PEAK1: variants seen among roughly 807,000 people sequenced by gnomAD.
PEAK1 encodes pseudopodium enriched atypical kinase 1.
PEAK1 carries 54 observed loss-of-function variants against 124.7 expected under a neutral mutation model. That is an observed-to-expected ratio of 0.43 (90% CI 0.35 to 0.54). The LOEUF is 0.54. Among genes scored for constraint, PEAK1 ranks in the 20% least tolerant of loss-of-function variants. The pLI is 0.01. For missense variants in PEAK1, 2,046 were observed against 2,134.5 expected (o/e 0.96, Z 0.82); for synonymous variants, 719 against 760.0 (o/e 0.95, Z 0.89).
chr15:77,354,423 A>G (rs2067383253), intron 2 of PEAK1, among the ~76,000 whole-genome samples: 1 of 152,132 alleles, frequency 6.6e-6, no homozygotes, highest in South Asian at 2.1e-4. Flanking sequence ...ATAGCCTTCT[A>G]AGTGGTCTCT....
intron 6 of PEAK1, among the ~76,000 whole-genome samples, chr15:77,192,511 C>G (rs1295575077): frequency 6.6e-6 from 1 of 152,198 alleles, no homozygotes; most frequent in African/African-American, 2.4e-5. Flanking sequence ...AAACTATCCC[C>G]CAATAAAAAT....
At chr15:77,343,033 C>T (rs1246727191) in intron 2 of PEAK1, among the ~76,000 whole-genome samples, 1 of 152,112 alleles carries the variant, frequency 6.6e-6, no homozygotes, top group Non-Finnish European at 1.5e-5. Context: ...TGAAAAAATG[C>T]CATACTGTTT....
chr15:77,170,593 AAGCAAG>A (rs1449956121), intron 7 of PEAK1, among the ~76,000 whole-genome samples: 1 of 152,188 alleles, frequency 6.6e-6, no homozygotes, highest in Non-Finnish European at 1.5e-5. Flanking sequence ...GCAAGATATT[AAGCAAG>A]GATGATATTA....
At chr15:77,296,705 T>C (rs974462669) in intron 2 of PEAK1, among the ~76,000 whole-genome samples, 15 of 151,442 alleles carry the variant, frequency 9.9e-5, no homozygotes, top group African/African-American at 3.2e-4. Flanking sequence ...TAAAATAAAA[T>C]AAAATGGTAG....
intron 2 of PEAK1, chr15:77,347,669 CA>C (rs1017489384): frequency 1.0e-6 from 1 of 974,352 alleles, no homozygotes; most frequent in African/African-American, 1.8e-5. Flanking sequence ...CATAAAACAA[CA>C]CCCTCCTAAA....
intron 4 of PEAK1, 87 bp from the exon 5 acceptor site, chr15:77,284,117 T>G: frequency 1.6e-6 from 1 of 629,850 alleles, no homozygotes; most frequent in Non-Finnish European, 2.0e-6. Context: ...AATCTGGTCA[T>G]GTAAACAATG....
chr15:77,304,604 C>T (rs142849660), intron 2 of PEAK1, among the ~76,000 whole-genome samples: 3 of 152,020 alleles, frequency 2.0e-5, no homozygotes, highest in South Asian at 2.1e-4. Context: ...CCCGCCACCA[C>T]GTCCGGCCAA....
chr15:77,191,004 T>C (rs929690845), intron 6 of PEAK1, among the ~76,000 whole-genome samples: 1 of 152,274 alleles, frequency 6.6e-6, no homozygotes, highest in African/African-American at 2.4e-5. Flanking sequence ...AAAGAATTTA[T>C]ACCTAACTTT....
chr15:77,348,843 T>G, intron 2 of PEAK1: 1 of 909,322 alleles, frequency 1.1e-6, no homozygotes, highest in Non-Finnish European at 1.3e-6. Flanking sequence ...GGTCTAACTG[T>G]GTTGCTCAGG....
Position 77,133,205 on chromosome 15 carries a change from G to C in PEAK1, c.3877C>G (p.Leu1293Val). Reference sequence around the variant, plus strand: ...AGTTTCTTCAAGGCATCTGTATGAAGGCTTCGGATTTTACCCACTACTTCC... The same window carrying C: ...AGTTTCTTCAAGGCATCTGTATGAACGCTTCGGATTTTACCCACTACTTCC... ...REEVVGKIRS[L>V]HTDALKKLAV... is the part of the protein sequence containing the mutation. Residue 1293 changes from leucine (L) to valine (V), a missense_variant, in exon 9 of 10, where the codon CTT becomes GTT. By Grantham distance (32) the Leu-to-Val change is conservative. Coordinates refer to ENST00000682557, the MANE Select transcript of PEAK1 (RefSeq NM_001385026.1). The surrounding 1 kb of genome is among the most constrained non-coding windows in gnomAD (Gnocchi z 4.2). The C allele has an allele frequency of 6.2e-7, 1 of 1,614,206 alleles. No individual in the cohort carries two copies. Among genetic ancestry groups the C allele is most frequent in the Non-Finnish European group, 8.5e-7 (1 of 1,180,038 alleles).
At chr15:77,301,127 A>G (rs1288175679) in intron 2 of PEAK1, among the ~76,000 whole-genome samples, 1 of 152,156 alleles carries the variant, frequency 6.6e-6, no homozygotes, top group Non-Finnish European at 1.5e-5. Context: ...GGTTCTAGAG[A>G]CGAGAAATCA....
chr15:77,266,439 T>C (rs989555241), intron 5 of PEAK1, among the ~76,000 whole-genome samples: 1 of 152,118 alleles, frequency 6.6e-6, no homozygotes, highest in Non-Finnish European at 1.5e-5. Flanking sequence ...ATTAGGACCC[T>C]GAACTTACTC....
chr15:77,314,318 C>CGGT (rs2064734894), intron 2 of PEAK1, among the ~76,000 whole-genome samples: 2 of 151,924 alleles, frequency 1.3e-5, no homozygotes, highest in Admixed American at 1.3e-4. Flanking sequence ...TTCAGTTAAC[C>CGGT]TATTTTGGGT....
chr15:77,417,635 TA>T (rs1263824312), intron 1 of PEAK1: 4 of 985,292 alleles, frequency 4.1e-6, no homozygotes, highest in Non-Finnish European at 4.8e-6. Flanking sequence ...CTAAATTACT[TA>T]AACAACCCAT....
At chr15:77,135,430 A>G (rs906923385) in intron 8 of PEAK1, among the ~76,000 whole-genome samples, 1 of 152,218 alleles carries the variant, frequency 6.6e-6, no homozygotes, top group African/African-American at 2.4e-5. Context: ...CATAGAGTGT[A>G]CTTACACGAA....
chr15:77,154,443 T>G (rs2152777240), intron 8 of PEAK1, among the ~76,000 whole-genome samples: 1 of 152,348 alleles, frequency 6.6e-6, no homozygotes, highest in Admixed American at 6.5e-5. Flanking sequence ...TTATCCAATT[T>G]GCCAGTCTGT....
intron 1 of PEAK1, among the ~76,000 whole-genome samples, chr15:77,410,799 C>T (rs1459975384): frequency 6.6e-6 from 1 of 152,126 alleles, no homozygotes; most frequent in African/African-American, 2.4e-5. Context: ...GTCGACTATT[C>T]GGAGGTAGAA....
chr15:77,401,537 T>A, intron 1 of PEAK1: 1 of 974,684 alleles, frequency 1.0e-6, no homozygotes. Context: ...AAATCACATT[T>A]CTTTTGTTTC....
At chr15:77,405,680 T>C (rs745448452) in intron 1 of PEAK1, among the ~76,000 whole-genome samples, 4 of 152,182 alleles carry the variant, frequency 2.6e-5, no homozygotes, top group Non-Finnish European at 5.9e-5. Flanking sequence ...CGCATCTTAA[T>C]AAAGCCCTGC....
Sources: gnomAD v4.1 joint callset for allele counts (sites outside exome capture counted in the v4.1 genomes callset) on GRCh38, gnomAD v4.1.1 for gene constraint, Gnocchi (gnomAD v3.1) non-coding constraint, MANE v1.5 for transcripts, NCBI Gene and HGNC (gene_info 2026-07-23, HGNC 2026-07-21) for gene names.